ZFP90: variants seen among roughly 807,000 people sequenced by gnomAD.
The protein encoded by ZFP90 is zinc finger protein 90 homolog.
A neutral mutation model predicts 60.8 loss-of-function variants in ZFP90; 38 were observed. That is an observed-to-expected ratio of 0.62 (90% CI 0.48 to 0.82). ZFP90 has a LOEUF of 0.82. Among genes scored for constraint, ZFP90 ranks in the 40% least tolerant of loss-of-function variants. The probability of loss-of-function intolerance (pLI) is 0.00; values close to 1 mark genes in which losing one functional copy is unlikely to be tolerated. For synonymous variants in ZFP90, 287 were observed against 264.8 expected (o/e 1.08, Z -0.82); for missense variants, 711 against 759.1 (o/e 0.94, Z 0.74).
In ZFP90 at chr16:68,564,213, A is replaced by G; in HGVS notation, c.1426A>G (p.Asn476Asp). 6.2e-7 allele frequency: 1 copy of G among 1,614,068 alleles called. No homozygotes were observed. Among genetic ancestry groups the G allele is most frequent in the Non-Finnish European group, 8.5e-7 (1 of 1,180,000 alleles). The change falls in exon 5 of 5, where the codon AAC (asparagine) becomes GAC (aspartate). Residue 476 changes from asparagine (N) to aspartate (D), a missense_variant. Asn to Asp is a conservative substitution (Grantham distance 23, BLOSUM62 1). Transcript: ENST00000563169. ...CCATCAGAGGATCCATACTGCAGAGAACCCCTATGATTGTGAGCAGGCTTT... is the reference window on the plus strand; with the variant it reads ...CCATCAGAGGATCCATACTGCAGAGGACCCCTATGATTGTGAGCAGGCTTT... ...TDHQRIHTAE[N>D]PYDCEQAFSQ...
rs1182091277 is a variant in ZFP90 at position 68,564,567 on chromosome 16, A to G, written c.1780A>G (p.Thr594Ala). 2 of 1,614,086 alleles carry G rather than the reference A, an allele frequency of 1.2e-6. No homozygotes were observed. Among genetic ancestry groups the G allele is most frequent in the Non-Finnish European group, 1.7e-6 (2 of 1,179,986 alleles). Residue 594 changes from threonine to alanine, a missense_variant, in exon 5 of 5, where the codon ACC (threonine) becomes GCC (alanine). This residue lies in a region of ZFP90 where 295 missense variants were observed against 274.0 expected (regional missense o/e 1.08). Coordinates refer to ENST00000563169, the MANE Select transcript of ZFP90 (RefSeq NM_001305203.2). ...ATGTGGGAGAGCCTTCCGAAAAAAA[A>G]CCAACCTGCATGATCATCAGAGAAT... The part of the protein sequence containing the change: ...NECGRAFRKK[T>A]NLHDHQRIHT...
chr16:68,544,936 G>A (rs909221148), intron 2 of ZFP90, among the ~76,000 whole-genome samples: 3 of 132,064 alleles, frequency 2.3e-5, no homozygotes, highest in African/African-American at 8.6e-5. Flanking sequence ...CTGAAGTGCA[G>A]TGGCGTGATT....
At chr16:68,534,512 G>T (rs1013934428), upstream of ZFP90, among the ~76,000 whole-genome samples, 7 of 151,388 alleles carry the variant, frequency 4.6e-5, no homozygotes, top group South Asian at 2.1e-4. Context: ...ACAGGCGTGA[G>T]CCACTGCGCC....
At chr16:68,574,004 T>TGTCCA (rs1192697698) in intron 2 of ZFP90, 2 of 107,000 alleles carry the variant, frequency 1.9e-5, no homozygotes, top group East Asian at 3.6e-4. Flanking sequence ...CCAGGTTTCC[T>TGTCCA]GCATGCAGGG....
At chr16:68,547,095 T>C (rs967228056) in intron 2 of ZFP90, among the ~76,000 whole-genome samples, 13 of 152,196 alleles carry the variant, frequency 8.5e-5, no homozygotes, top group East Asian at 1.9e-4. Flanking sequence ...GGTACAGATA[T>C]CTCTTTGAGA....
chr16:68,575,806 T>A (rs2152079992), exon 3 of ZFP90: 2 of 398,370 alleles, frequency 5.0e-6, no homozygotes, highest in East Asian at 7.1e-5. Flanking sequence ...GTCTGCCTCC[T>A]GCCGCTGTCG....
intron 1 of ZFP90, 24 bp from the exon 2 acceptor site, chr16:68,539,734 G>C: frequency 1.3e-6 from 2 of 1,520,276 alleles, no homozygotes; most frequent in Admixed American, 2.0e-5. Context: ...AGCGGGGTGA[G>C]TGGGCCCTGT....
Position 68,564,467 on chromosome 16 carries a change from A to G in ZFP90, c.1680A>G (p.Lys560=). The G allele has an allele frequency of 2.5e-6, 4 of 1,614,094 alleles. No homozygotes were observed. Among genetic ancestry groups the G allele is most frequent in the Non-Finnish European group, 3.4e-6 (4 of 1,179,964 alleles). Residue 560 remains lysine, a synonymous_variant, in exon 5 of 5, where the codon AAA becomes AAG. Transcript: ENST00000563169. The part of the protein sequence containing the change: ...EKPYECIDCG[K]AFSQSSSLIQ... ...CCTATGAATGTATTGACTGTGGGAA[A>G]GCCTTTAGTCAAAGTTCATCTCTCA...
At chr16:68,546,420 T>A (rs2091150899) in intron 2 of ZFP90, among the ~76,000 whole-genome samples, 2 of 152,218 alleles carry the variant, frequency 1.3e-5, no homozygotes, top group Non-Finnish European at 2.9e-5. Context: ...CTTTTCATTC[T>A]TTCTTCTTTC....
chr16:68,537,586 G>A (rs2090970943), upstream of ZFP90, among the ~76,000 whole-genome samples: 1 of 152,038 alleles, frequency 6.6e-6, no homozygotes, highest in Non-Finnish European at 1.5e-5. Context: ...TATATTTTTT[G>A]AGACAGTCTC....
chr16:68,551,698 A>C (rs973592092), intron 2 of ZFP90, among the ~76,000 whole-genome samples: 1 of 151,924 alleles, frequency 6.6e-6, no homozygotes, highest in Non-Finnish European at 1.5e-5. Context: ...GGCATGAGCC[A>C]CTGCACCTGT....
chr16:68,572,686 G>A (rs1018797663), intron 2 of ZFP90, among the ~76,000 whole-genome samples: 19 of 152,316 alleles, frequency 1.2e-4, no homozygotes, highest in African/African-American at 3.8e-4. Flanking sequence ...GAGATATTGG[G>A]AGATCTGAAA....
intron 2 of ZFP90, among the ~76,000 whole-genome samples, chr16:68,542,535 G>C (rs963329419): frequency 7.9e-5 from 12 of 152,050 alleles, no homozygotes; most frequent in Middle Eastern, 3.2e-3. Context: ...AGGTTGCAGT[G>C]AACCGAGATC....
Position 68,539,457 on chromosome 16 carries a change from C to A in ZFP90, c.-58C>A, listed in dbSNP as rs886797308. Reference sequence around the variant, plus strand: ...GGGCCGGAGGTCGCGAAATCCGGAGCCCCCCAGAGGCGGTGATTCTGAGTG... The same window carrying A: ...GGGCCGGAGGTCGCGAAATCCGGAGACCCCCAGAGGCGGTGATTCTGAGTG... On this transcript the variant is annotated 5_prime_UTR_variant, in exon 1 of 5. Coordinates refer to ENST00000563169, the MANE Select transcript of ZFP90 (RefSeq NM_001305203.2). 1.1e-5 allele frequency: 4 copies of A among 373,804 alleles called. No homozygotes were observed. Among genetic ancestry groups the A allele is most frequent in the Non-Finnish European group, 1.9e-5 (4 of 208,596 alleles). 23.2% of individuals were successfully genotyped at this position (373,804 alleles called of 1,614,324 possible).
chr16:68,558,416 A>G, intron 3 of ZFP90, 57 bp from the exon 4 acceptor site: 1 of 1,505,026 alleles, frequency 6.6e-7, no homozygotes, highest in South Asian at 1.1e-5. Context: ...TGTCCTTAGG[A>G]GGGTTCTTTG....
intron 2 of ZFP90, among the ~76,000 whole-genome samples, chr16:68,549,699 G>C (rs202184659): frequency 1.9e-5 from 1 of 51,406 alleles, no homozygotes; most frequent in Non-Finnish European, 3.9e-5. Flanking sequence ...AAAAAAAAAA[G>C]TCTTGAGGGA....
At chr16:68,570,586 C>G (rs1367320505), downstream of ZFP90, among the ~76,000 whole-genome samples, 3 of 152,196 alleles carry the variant, frequency 2.0e-5, no homozygotes, top group Non-Finnish European at 4.4e-5. Flanking sequence ...TTGTAAATGT[C>G]ATGGTGCTGG....
intron 2 of ZFP90, among the ~76,000 whole-genome samples, chr16:68,548,703 T>A (rs1277133631): frequency 6.6e-6 from 1 of 152,114 alleles, no homozygotes; most frequent in Non-Finnish European, 1.5e-5. Flanking sequence ...TTGGTCAGGC[T>A]GGTCTCGAAC....
chr16:68,576,363 C>T (rs2091594251), downstream of ZFP90, among the ~76,000 whole-genome samples: 1 of 152,166 alleles, frequency 6.6e-6, no homozygotes, highest in Non-Finnish European at 1.5e-5. Flanking sequence ...TCATTGCTAC[C>T]TGAGGCAGTA....
Sources: gnomAD v4.1 joint callset for allele counts (sites outside exome capture counted in the v4.1 genomes callset) on GRCh38, gnomAD v4.1.1 for gene constraint, gnomAD v4.1.1 regional missense constraint, MANE v1.5 for transcripts, NCBI Gene and HGNC (gene_info 2026-07-23, HGNC 2026-07-21) for gene names.